Variants in SYBU observed in about 807,000 individuals in gnomAD.
SYBU encodes the protein syntabulin, also known as GOLSYN A protein.
A neutral mutation model predicts 35.9 loss-of-function variants in SYBU; 21 were observed. The observed-to-expected ratio is 0.58, with a 90% CI of 0.41 to 0.84. The LOEUF (loss-of-function observed/expected upper bound fraction) is 0.84. Among genes scored for constraint, SYBU ranks in the 40% least tolerant of loss-of-function variants. The probability of loss-of-function intolerance (pLI) is 0.00; values close to 1 mark genes in which losing one functional copy is unlikely to be tolerated. For synonymous variants in SYBU, 319 were observed against 324.3 expected (o/e 0.98, Z 0.18); for missense variants, 768 against 848.2 (o/e 0.91, Z 1.17).
intron 1 of SYBU, among the ~76,000 whole-genome samples, chr8:109,677,128 A>G (rs955534306): frequency 2.0e-5 from 3 of 152,214 alleles, no homozygotes; most frequent in South Asian, 2.1e-4. Context: ...TGTTATGCAC[A>G]TGGGTTAAGA....
At chr8:109,604,008 T>C (rs1825815350) in intron 3 of SYBU, among the ~76,000 whole-genome samples, 1 of 151,568 alleles carries the variant, frequency 6.6e-6, no homozygotes, top group Non-Finnish European at 1.5e-5. Context: ...GTAGTATTTA[T>C]AAAGAAATAA....
At chr8:109,670,404 A>G (rs1816936755) in intron 1 of SYBU, among the ~76,000 whole-genome samples, 1 of 151,622 alleles carries the variant, frequency 6.6e-6, no homozygotes, top group African/African-American at 2.4e-5. Context: ...TAAAAAATAA[A>G]ATTTTAACAA....
At chr8:109,661,844 T>A (rs1816574155) in intron 1 of SYBU, among the ~76,000 whole-genome samples, 1 of 152,212 alleles carries the variant, frequency 6.6e-6, no homozygotes, top group Non-Finnish European at 1.5e-5. Context: ...GTTTACCAAC[T>A]TTATTACCCC....
chr8:109,673,667 C>T (rs1381510943), intron 1 of SYBU, among the ~76,000 whole-genome samples: 1 of 152,022 alleles, frequency 6.6e-6, no homozygotes, highest in Admixed American at 6.6e-5. Context: ...GGAACAAAAC[C>T]GAACAGGGAA....
rs141788551 is a variant in SYBU at position 109,633,957 on chromosome 8, C to T, written c.229+8771G>A. The stretch of plus-strand genomic sequence containing the variant: ...TGATGTTGGCCAGGGTGATCTCTAA[C>T]TCCTGGCCTCAAGTGACCTGCCAGC... On this transcript the variant is annotated intron_variant, in intron 2 of 6. Coordinates refer to ENST00000276646, the MANE Select transcript of SYBU (RefSeq NM_001099754.2). 4.6e-5 allele frequency among the ~76,000 whole-genome samples: 7 copies of T among 152,262 alleles called. No homozygotes were observed. The South Asian group carries it at 6.2e-4, about 14-fold the overall frequency.
At chr8:109,592,251 A>T (rs1411360574) in intron 3 of SYBU, among the ~76,000 whole-genome samples, 2 of 152,134 alleles carry the variant, frequency 1.3e-5, no homozygotes, top group Non-Finnish European at 2.9e-5. Flanking sequence ...TCTTTACAAA[A>T]GGTGGTTTTC....
chr8:109,580,936 C>G (rs1822959657), intron 4 of SYBU: 1 of 152,266 alleles, frequency 6.6e-6, no homozygotes, highest in African/African-American at 2.4e-5. Flanking sequence ...ATAATCTCCT[C>G]TAATTAGAAT....
Position 109,574,650 on chromosome 8 carries a change from C to T in SYBU, c.*256G>A. 1 of 369,990 alleles carries T rather than the reference C, an allele frequency of 2.7e-6. No homozygotes were observed. Among genetic ancestry groups the T allele is most frequent in the East Asian group, 4.0e-5 (1 of 24,898 alleles). The allele number at this position is 369,990 out of a possible 1,614,324, so 22.9% of individuals were successfully genotyped here. On this transcript the variant is annotated 3_prime_UTR_variant, in exon 7 of 7. Transcript: ENST00000276646. ...TGAACCACTAGGATAAGAACGGGTA[C>T]CTCAGACGACACGGCAGGGTCATGA... is the stretch of plus-strand genomic sequence containing the variant.
chr8:109,590,459 A>G (rs1468921315), intron 3 of SYBU, among the ~76,000 whole-genome samples: 3 of 152,056 alleles, frequency 2.0e-5, no homozygotes, highest in Non-Finnish European at 4.4e-5. Flanking sequence ...AAAATTGTAA[A>G]TGTAATTTCC....
At chr8:109,598,518 A>G (rs1365456130) in intron 3 of SYBU, among the ~76,000 whole-genome samples, 1 of 152,222 alleles carries the variant, frequency 6.6e-6, no homozygotes, top group Non-Finnish European at 1.5e-5. Context: ...TACCTATCAT[A>G]TGGAATTTTT....
upstream of SYBU, among the ~76,000 whole-genome samples, chr8:109,681,398 A>C (rs1257770183): frequency 6.6e-6 from 1 of 152,256 alleles, no homozygotes; most frequent in African/African-American, 2.4e-5. Flanking sequence ...CAACTTATTC[A>C]TGTGTTAACA....
intron 3 of SYBU, among the ~76,000 whole-genome samples, chr8:109,605,117 C>T (rs961280430): frequency 2.6e-5 from 4 of 152,076 alleles, no homozygotes; most frequent in South Asian, 2.1e-4. Flanking sequence ...AGATATGACC[C>T]GAATATCATG....
intron 1 of SYBU, among the ~76,000 whole-genome samples, chr8:109,650,101 C>G (rs1383238501): frequency 6.6e-6 from 1 of 152,084 alleles, no homozygotes; most frequent in Non-Finnish European, 1.5e-5. Context: ...AGGAGGGCAG[C>G]TATAGAGAGA....
At chr8:109,576,042 T>TAAAAAAAAAAA in intron 6 of SYBU, 29 bp from the exon 7 acceptor site, 1 of 844,632 alleles carries the variant, frequency 1.2e-6, no homozygotes, top group Non-Finnish European at 1.5e-6. Flanking sequence ...CATGGTTAAT[T>TAAAAAAAAAAA]AAAAAAAAAA....
intron 1 of SYBU, among the ~76,000 whole-genome samples, chr8:109,658,886 G>A (rs1383223356): frequency 1.3e-5 from 2 of 152,020 alleles, no homozygotes; most frequent in Admixed American, 6.5e-5. Context: ...CCGGAAAGGC[G>A]GAGGTTGCAG....
rs754753690 is a variant in SYBU, at chr8:109,575,724, A to G, written c.1174T>C (p.Phe392Leu). 1 of 1,614,112 alleles carries G rather than the reference A, an allele frequency of 6.2e-7. No homozygotes were observed. Residue 392 changes from phenylalanine to leucine, a missense_variant, in exon 7 of 7, where the codon TTT becomes CTT. Transcript: ENST00000276646. ...CTCTTCTCTGGGGAATCACATGGAA[A>G]GTCTAGGCACAGTTCGTCCCTCAGA... is the stretch of plus-strand genomic sequence containing the variant. ...GSLRDELCLDFPCDSPEKSLT... is the reference protein window; with the variant it reads ...GSLRDELCLDLPCDSPEKSLT...
chr8:109,644,830 G>A (rs1239264815), upstream of SYBU: 2 of 641,356 alleles, frequency 3.1e-6, no homozygotes, highest in African/African-American at 2.0e-5. Context: ...TCTGGGCTCC[G>A]AGGGCACGCC....
chr8:109,673,157 C>T (rs1817052615), intron 1 of SYBU, among the ~76,000 whole-genome samples: 1 of 152,190 alleles, frequency 6.6e-6, no homozygotes, highest in Non-Finnish European at 1.5e-5. Flanking sequence ...AGCAATGGAT[C>T]TCCCAGCACA....
upstream of SYBU, chr8:109,648,584 T>G (rs1398249754): frequency 1.3e-5 from 2 of 152,018 alleles, no homozygotes; most frequent in African/African-American, 4.8e-5. Context: ...GACTGCAAAC[T>G]TCACAGAGAA....
Sources: allele counts gnomAD v4.1 joint callset (sites outside exome capture counted in the v4.1 genomes callset), GRCh38; gene constraint gnomAD v4.1.1; transcripts MANE v1.5; gene names NCBI Gene and HGNC (gene_info 2026-07-23, HGNC 2026-07-21).